The following SLIT1 variants were observed in gnomAD, a reference collection of about 807,000 sequenced individuals.
SLIT1 encodes the protein slit homolog 1 protein.
Under a neutral mutation model 186.1 loss-of-function variants are expected in SLIT1, and 66 were observed. The ratio of observed to expected loss-of-function variants is 0.35; its 90% CI spans 0.29 to 0.44. SLIT1 has a LOEUF of 0.44. Among genes scored for constraint, SLIT1 ranks in the 20% least tolerant of loss-of-function variants. The pLI is 1.00. For synonymous variants in SLIT1, 761 were observed against 833.8 expected (o/e 0.91, Z 1.50); for missense variants, 1,638 against 2,037.4 (o/e 0.80, Z 3.77).
rs185377759 is a variant in SLIT1, at chr10:97,091,698, A to G, written c.414-25612T>C. On this transcript the variant is annotated intron_variant, in intron 4 of 36. Coordinates refer to ENST00000266058, the MANE Select transcript of SLIT1 (RefSeq NM_003061.3). ...ACAGTCATACTTTGAACATGTTTTT[A>G]TCTTCCTTTTGCAAATGAGAACACC... Among the ~76,000 whole-genome samples, 250 of 152,306 alleles carry G rather than the reference A, an allele frequency of 1.6e-3. 3 individuals carry two copies. The highest frequency in any genetic ancestry group is 7.3e-3 in the Admixed American group (112 of 15,294).
At chr10:97,061,195 A>G (rs1410531118) in intron 8 of SLIT1, among the ~76,000 whole-genome samples, 1 of 152,258 alleles carries the variant, frequency 6.6e-6, no homozygotes, top group African/African-American at 2.4e-5. Context: ...TAATAAGTGC[A>G]CTACATGCAG....
At chr10:97,085,114 AG>A (rs1177456837) in intron 4 of SLIT1, among the ~76,000 whole-genome samples, 2 of 151,590 alleles carry the variant, frequency 1.3e-5, no homozygotes, top group Non-Finnish European at 2.9e-5. Context: ...TAGTAGAGAC[AG>A]GTTTTCACCG....
At chr10:97,063,413 AGGCGCCG>A in intron 8 of SLIT1, 35 bp downstream of exon 8, 2 of 1,605,492 alleles carry the variant, frequency 1.2e-6, no homozygotes, top group Non-Finnish European at 1.7e-6. Context: ...GCAGGGCAGG[AGGCGCCG>A]GACAGTTGAG....
chr10:97,132,385 A>G (rs965531999), intron 4 of SLIT1, among the ~76,000 whole-genome samples: 1 of 152,108 alleles, frequency 6.6e-6, no homozygotes, highest in Non-Finnish European at 1.5e-5. Flanking sequence ...TCCCACGGTG[A>G]CCCTTCCCAG....
At chr10:97,048,461 A>C (rs1384840690) in intron 14 of SLIT1, among the ~76,000 whole-genome samples, 2 of 152,134 alleles carry the variant, frequency 1.3e-5, no homozygotes. Flanking sequence ...AGTGTCTTAA[A>C]AGGCTTGACA....
At chr10:97,077,035 G>A (rs1270962974) in intron 4 of SLIT1, among the ~76,000 whole-genome samples, 2 of 152,190 alleles carry the variant, frequency 1.3e-5, no homozygotes, top group East Asian at 3.8e-4. Flanking sequence ...GCAGGCTGAG[G>A]TGGGAGGATG....
At chr10:97,052,404 T>C (rs1394273973) in intron 13 of SLIT1, among the ~76,000 whole-genome samples, 1 of 152,192 alleles carries the variant, frequency 6.6e-6, no homozygotes, top group African/African-American at 2.4e-5. Flanking sequence ...CTGGCCTGTA[T>C]GATTCCATTT....
At chr10:97,181,816 G>A (rs1325335800) in intron 1 of SLIT1, among the ~76,000 whole-genome samples, 21 of 152,170 alleles carry the variant, frequency 1.4e-4, no homozygotes, top group Admixed American at 1.4e-3. Flanking sequence ...CTGCACAAGG[G>A]GAACCTTCCA....
Position 97,175,873 on chromosome 10 carries a change from A to G in SLIT1, c.197+9605T>C, listed in dbSNP as rs114189879. On this transcript the variant is annotated intron_variant, in intron 1 of 36. Coordinates refer to ENST00000266058, the MANE Select transcript of SLIT1 (RefSeq NM_003061.3). ...TCTGCTCACCACGCTCCACCCCCAG[A>G]CCAGACACCTCACTCCCTATACCAG... Among the ~76,000 whole-genome samples, 793 of 152,130 alleles carry G rather than the reference A, an allele frequency of 5.2e-3. 6 individuals carry two copies. Among genetic ancestry groups the G allele is most frequent in the African/African-American group, 0.018 (762 of 41,504 alleles).
intron 4 of SLIT1, among the ~76,000 whole-genome samples, chr10:97,075,520 A>G (rs532645118): frequency 6.6e-6 from 1 of 152,238 alleles, no homozygotes; most frequent in East Asian, 1.9e-4. Context: ...ATCTGCAACA[A>G]TACTGACCTC....
intron 4 of SLIT1, among the ~76,000 whole-genome samples, chr10:97,131,021 G>C (rs576160480): frequency 3.9e-4 from 59 of 152,292 alleles, no homozygotes; most frequent in Non-Finnish European, 7.5e-4. Flanking sequence ...ATGAAACTGT[G>C]GTGGCCAGGA....
At chr10:97,019,687 C>T (rs2134599512) in intron 26 of SLIT1, among the ~76,000 whole-genome samples, 1 of 152,258 alleles carries the variant, frequency 6.6e-6, no homozygotes, top group South Asian at 2.1e-4. Context: ...CAGCAGGCCC[C>T]TCCAGCATCT....
At position 97,057,162 on chromosome 10, in the gene SLIT1, C is replaced by T. The variant is rs761909686; in HGVS notation, c.1157+48G>A. The T allele has an allele frequency of 6.0e-6, 9 of 1,489,456 alleles. No homozygotes were observed. In the South Asian group the frequency reaches 6.8e-5, roughly 11 times the overall value. 92.3% of individuals were successfully genotyped at this position (1,489,456 alleles called of 1,614,324 possible). Reference sequence around the variant, plus strand: ...GACAGTCTAGCAGGCCAGAGGAAAGCTGGCCCTTCCCTGGGTCCCACCCAA... The same window carrying T: ...GACAGTCTAGCAGGCCAGAGGAAAGTTGGCCCTTCCCTGGGTCCCACCCAA... On this transcript the variant is annotated intron_variant, in intron 12 of 36. Coordinates refer to ENST00000266058, the MANE Select transcript of SLIT1 (RefSeq NM_003061.3).
At chr10:97,142,906 A>G (rs1183314507) in intron 4 of SLIT1, among the ~76,000 whole-genome samples, 1 of 152,244 alleles carries the variant, frequency 6.6e-6, no homozygotes, top group Non-Finnish European at 1.5e-5. Flanking sequence ...ACTAGTCATC[A>G]GAGAAATGCA....
intron 28 of SLIT1, among the ~76,000 whole-genome samples, chr10:97,016,033 G>A (rs999734940): frequency 2.6e-5 from 4 of 152,224 alleles, no homozygotes; most frequent in Non-Finnish European, 5.9e-5. Flanking sequence ...AATTGGCCAC[G>A]TGGGGTGGCA....
intron 3 of SLIT1, among the ~76,000 whole-genome samples, chr10:97,162,037 A>C (rs951747688): frequency 6.6e-6 from 1 of 152,252 alleles, no homozygotes; most frequent in Non-Finnish European, 1.5e-5. Flanking sequence ...TAAACTTGTC[A>C]TAAGAAAATC....
chr10:97,117,558 G>A (rs1259839526), intron 4 of SLIT1, among the ~76,000 whole-genome samples: 1 of 152,182 alleles, frequency 6.6e-6, no homozygotes. Flanking sequence ...AGGCTCTATA[G>A]CATACTACTG....
Position 97,004,044 on chromosome 10 carries a change from G to A in SLIT1, c.3865+24C>T, listed in dbSNP as rs757035233. 3 of 1,587,634 alleles carry A rather than the reference G, an allele frequency of 1.9e-6. No homozygotes were observed. The highest frequency in any genetic ancestry group is 2.3e-5 in the South Asian group (2 of 88,848). On this transcript the variant is annotated intron_variant, in intron 34 of 36. Transcript: ENST00000266058. This position sits in a 1 kb window ranked among gnomAD's most constrained non-coding sequence, Gnocchi z 5.1. Reference sequence around the variant, plus strand: ...GGCCTCAGGCCAGACAGCAAAAGAGGCCCCGCCAGGGCCAGGTCCTCACCT... The same window carrying A: ...GGCCTCAGGCCAGACAGCAAAAGAGACCCCGCCAGGGCCAGGTCCTCACCT...
At chr10:97,003,927 G>A in intron 34 of SLIT1, 141 bp downstream of exon 34, 1 of 761,876 alleles carries the variant, frequency 1.3e-6, no homozygotes, top group South Asian at 1.8e-5. Context: ...CAGGCAGCGA[G>A]GCCAGTCCAC....
Sources: allele counts gnomAD v4.1 joint callset (sites outside exome capture counted in the v4.1 genomes callset), GRCh38; gene constraint gnomAD v4.1.1; non-coding constraint Gnocchi (gnomAD v3.1); transcripts MANE v1.5; gene names NCBI Gene and HGNC (gene_info 2026-07-23, HGNC 2026-07-21).